Variants in SLC20A2 observed in about 807,000 individuals in gnomAD.
SLC20A2 encodes solute carrier family 20 member 2.
Under a neutral mutation model 61.0 loss-of-function variants are expected in SLC20A2, and 30 were observed. The ratio of observed to expected loss-of-function variants is 0.49; its 90% CI spans 0.37 to 0.67. SLC20A2 has a LOEUF of 0.67. Among genes scored for constraint, SLC20A2 ranks in the 30% least tolerant of loss-of-function variants. The pLI, the probability that SLC20A2 is intolerant of heterozygous loss-of-function variation, is 0.00. For missense variants in SLC20A2, 626 were observed against 866.4 expected (o/e 0.72, Z 3.48); for synonymous variants, 351 against 353.3 (o/e 0.99, Z 0.07).
At chr8:42,509,329 C>T (rs1158668134) in intron 1 of SLC20A2, among the ~76,000 whole-genome samples, 1 of 152,160 alleles carries the variant, frequency 6.6e-6, no homozygotes, top group Non-Finnish European at 1.5e-5. Flanking sequence ...TCCATGCACC[C>T]CAACATCAGC....
intron 5 of SLC20A2, among the ~76,000 whole-genome samples, chr8:42,457,877 A>T (rs1182628831): frequency 6.6e-6 from 1 of 152,222 alleles, no homozygotes; most frequent in Non-Finnish European, 1.5e-5. Flanking sequence ...GGAATACTTT[A>T]TTCCCAGTAC....
At chr8:42,421,522 C>T (rs1354834872) in intron 10 of SLC20A2, among the ~76,000 whole-genome samples, 1 of 152,080 alleles carries the variant, frequency 6.6e-6, no homozygotes, top group Non-Finnish European at 1.5e-5. Context: ...TACTGAATAT[C>T]GGCCGGGTGC....
intron 6 of SLC20A2, 65 bp from the exon 7 acceptor site, chr8:42,439,718 T>A: frequency 1.7e-6 from 2 of 1,186,766 alleles, no homozygotes; most frequent in Non-Finnish European, 2.5e-6. Flanking sequence ...ACATGAATAT[T>A]AAAAAGTGAA....
rs1802730824 is a variant in SLC20A2 at position 42,417,345 on chromosome 8, G to A, written c.*458C>T. 1.9e-5 allele frequency: 3 copies of A among 160,770 alleles called. No homozygotes were observed. The highest frequency in any genetic ancestry group is 1.2e-4 in the Admixed American group (2 of 17,282). 10.0% of individuals were successfully genotyped at this position (160,770 alleles called of 1,614,324 possible). ...AAGCTCATTACCTTACAGTATATTA[G>A]AAGGCAAAAACATCATTTGGAAAAA... On this transcript the variant is annotated 3_prime_UTR_variant, in exon 11 of 11. Coordinates refer to ENST00000520262, the MANE Select transcript of SLC20A2 (RefSeq NM_001257180.2).
intron 5 of SLC20A2, among the ~76,000 whole-genome samples, chr8:42,450,552 C>T (rs548185804): frequency 6.6e-6 from 1 of 151,186 alleles, no homozygotes; most frequent in South Asian, 2.1e-4. Context: ...GAGATGGAGT[C>T]TCGCTCTGTC....
intron 8 of SLC20A2, among the ~76,000 whole-genome samples, chr8:42,433,962 A>AC (rs1432286338): frequency 4.0e-5 from 6 of 150,460 alleles, no homozygotes; most frequent in Non-Finnish European, 7.4e-5. Flanking sequence ...ACCATTTTAC[A>AC]CCCCCACTAA....
intron 5 of SLC20A2, among the ~76,000 whole-genome samples, chr8:42,451,403 A>T (rs1805632379): frequency 7.0e-6 from 1 of 142,024 alleles, no homozygotes; most frequent in African/African-American, 2.7e-5. Flanking sequence ...GGAGGAAGAG[A>T]TAGAGGAGAA....
At chr8:42,418,434 T>C (rs1802818231) in intron 10 of SLC20A2, among the ~76,000 whole-genome samples, 2 of 152,180 alleles carry the variant, frequency 1.3e-5, no homozygotes, top group African/African-American at 2.4e-5. Flanking sequence ...CCCAAAGTGC[T>C]GGAGTACAGT....
At chr8:42,452,146 G>C (rs1805759649) in intron 5 of SLC20A2, among the ~76,000 whole-genome samples, 1 of 143,862 alleles carries the variant, frequency 7.0e-6, no homozygotes, top group Admixed American at 6.9e-5. Context: ...AAGAGATGAA[G>C]AGGAGGAGGA....
intron 2 of SLC20A2, among the ~76,000 whole-genome samples, chr8:42,466,365 C>T (rs780966560): frequency 1.8e-4 from 28 of 152,176 alleles, no homozygotes; most frequent in Non-Finnish European, 3.2e-4. Flanking sequence ...GGATTACATG[C>T]GTGAGGCATT....
At position 42,519,192 on chromosome 8, in the gene SLC20A2, TC is replaced by T. The variant is rs1464812351; in HGVS notation, c.-265+22628del. On this transcript the variant is annotated intron_variant, in intron 1 of 10. Coordinates refer to the SLC20A2 transcript ENST00000342228. ...CAGGCACGGTGGCTCACGCCTGTAA[TC>T]CCAGCACTTTGGGAGGCCGAGGCAG... Among the ~76,000 whole-genome samples, 10 of 152,196 alleles carry T rather than the reference TC, an allele frequency of 6.6e-5. 1 individual carries two copies. Among genetic ancestry groups the T allele is most frequent in the Non-Finnish European group, 1.2e-4 (8 of 68,036 alleles).
At chr8:42,450,468 T>C (rs952045084) in intron 5 of SLC20A2, among the ~76,000 whole-genome samples, 1 of 152,168 alleles carries the variant, frequency 6.6e-6, no homozygotes, top group Non-Finnish European at 1.5e-5. Flanking sequence ...CCTCAGGTGA[T>C]CCACCTGCCT....
rs1470672473 is a variant in SLC20A2, at chr8:42,422,721, T to G, written c.1795-4754A>C. 2.0e-5 allele frequency among the ~76,000 whole-genome samples: 3 copies of G among 152,196 alleles called. No homozygotes were observed. In the East Asian group the frequency reaches 5.8e-4, roughly 29 times the overall value. On this transcript the variant is annotated intron_variant, in intron 10 of 10. Coordinates refer to ENST00000520262, the MANE Select transcript of SLC20A2 (RefSeq NM_001257180.2). ...ATTGTTCTGGGTCAGATTTTCCACT[T>G]TTTTCTACTTCTTAGGCCAATATTT...
rs770170088 is a variant in SLC20A2, at chr8:42,430,053, C to T, written c.1709+11G>A. Reference sequence around the variant, plus strand: ...AAGACCTGCCCTGCTCGTCCACCAGCCCAGGCTTACCTGGACGGCGTGATG... The same window carrying T: ...AAGACCTGCCCTGCTCGTCCACCAGTCCAGGCTTACCTGGACGGCGTGATG... On this transcript the variant is annotated intron_variant, in intron 9 of 10. Coordinates refer to ENST00000520262, the MANE Select transcript of SLC20A2 (RefSeq NM_001257180.2). 1.2e-6 allele frequency: 2 copies of T among 1,600,718 alleles called. No homozygotes were observed. Among genetic ancestry groups the T allele is most frequent in the African/African-American group, 2.7e-5 (2 of 74,528 alleles).
At position 42,521,881 on chromosome 8, in the gene SLC20A2, G is replaced by A. The variant is rs1446418392; in HGVS notation, c.-265+19940C>T. On this transcript the variant is annotated intron_variant, in intron 1 of 10. Coordinates refer to the SLC20A2 transcript ENST00000342228. Reference sequence around the variant, plus strand: ...GGACACGCTTCACCAATGAGTGCATGTAAAACAGGGAAATCTGGGAATAAG... The same window carrying A: ...GGACACGCTTCACCAATGAGTGCATATAAAACAGGGAAATCTGGGAATAAG... 1.1e-4 allele frequency among the ~76,000 whole-genome samples: 13 copies of A among 121,360 alleles called. 2 individuals are homozygous for A. Among genetic ancestry groups the A allele is most frequent in the African/African-American group, 3.3e-4 (13 of 39,570 alleles). 79.6% of individuals were successfully genotyped at this position (121,360 alleles called of 152,430 possible).
intron 2 of SLC20A2, among the ~76,000 whole-genome samples, chr8:42,468,581 T>C (rs987158549): frequency 7.2e-5 from 11 of 152,094 alleles, no homozygotes; most frequent in Admixed American, 3.3e-4. Flanking sequence ...CATACTTTAA[T>C]GTAAGATAAT....
At chr8:42,485,923 C>A (rs193163825) in intron 1 of SLC20A2, among the ~76,000 whole-genome samples, 2 of 144,500 alleles carry the variant, frequency 1.4e-5, no homozygotes, top group African/African-American at 5.2e-5. Context: ...TCCACCCTGG[C>A]GACAGAGCGA....
rs143848736 is a variant in SLC20A2 at position 42,449,721 on chromosome 8, T to C, written c.614-4959A>G. Among the ~76,000 whole-genome samples, 231 of 152,356 alleles carry C rather than the reference T, an allele frequency of 1.5e-3. 1 individual carries two copies. Among genetic ancestry groups the C allele is most frequent in the African/African-American group, 5.2e-3 (218 of 41,588 alleles). Reference sequence around the variant, plus strand: ...TATCAGCAGTACCTACAAAATTGTATGATGTACAAATATGAACCTTCCTCA... The same window carrying C: ...TATCAGCAGTACCTACAAAATTGTACGATGTACAAATATGAACCTTCCTCA... On this transcript the variant is annotated intron_variant, in intron 5 of 10. Coordinates refer to ENST00000520262, the MANE Select transcript of SLC20A2 (RefSeq NM_001257180.2).
At chr8:42,531,823 T>C (rs1297057891) in intron 1 of SLC20A2, among the ~76,000 whole-genome samples, 1 of 151,698 alleles carries the variant, frequency 6.6e-6, no homozygotes, top group Non-Finnish European at 1.5e-5. Flanking sequence ...CTGCTTTTTT[T>C]TTTTTTTTTC....
Sources: allele counts gnomAD v4.1 joint callset (sites outside exome capture counted in the v4.1 genomes callset), GRCh38; gene constraint gnomAD v4.1.1; transcripts MANE v1.5; gene names NCBI Gene and HGNC (gene_info 2026-07-23, HGNC 2026-07-21).